The following KCNH1 variants were observed in gnomAD, a reference collection of about 807,000 sequenced individuals.
The protein encoded by KCNH1 is potassium voltage-gated channel subfamily H member 1, also known as voltage-gated delayed rectifier potassium channel KCNH1.
KCNH1 carries 27 observed loss-of-function variants against 69.2 expected under a neutral mutation model. The ratio of observed to expected loss-of-function variants is 0.39; its 90% CI spans 0.29 to 0.54. KCNH1 has a LOEUF of 0.54. Ranked by LOEUF, KCNH1 falls within the 20% of genes least tolerant of loss-of-function variation. The pLI is 0.68. For synonymous variants in KCNH1, 456 were observed against 487.7 expected, an observed-to-expected ratio of 0.93 and a Z score of 0.86; for missense variants, 798 against 1,261.6, an observed-to-expected ratio of 0.63 and a Z score of 5.57.
rs2102466405 is a variant in KCNH1, at chr1:210,850,723, G to A, written c.1463-46557C>T. Among the ~76,000 whole-genome samples, 3 of 152,290 alleles carry A rather than the reference G, an allele frequency of 2.0e-5. No homozygotes were observed. In the South Asian group the frequency reaches 6.2e-4, roughly 32 times the overall value. ...CACAGCAGTCTCAACAGCAAGCCAA[G>A]AGGCAGAACAATGCCACTCTAACAT... On this transcript the variant is annotated intron_variant, in intron 7 of 10. Coordinates refer to ENST00000271751, the MANE Select transcript of KCNH1 (RefSeq NM_172362.3).
chr1:210,844,468 T>G (rs576227677), intron 7 of KCNH1, among the ~76,000 whole-genome samples: 2 of 152,342 alleles, frequency 1.3e-5, no homozygotes, highest in South Asian at 4.1e-4. Flanking sequence ...AACCTGCTCC[T>G]GAATGACTAC....
intron 10 of KCNH1, among the ~76,000 whole-genome samples, chr1:210,767,298 T>C (rs902316162): frequency 1.3e-5 from 2 of 152,168 alleles, no homozygotes; most frequent in Non-Finnish European, 2.9e-5. Context: ...ACTGGGCATT[T>C]GTAAGAGGTG....
intron 4 of KCNH1, among the ~76,000 whole-genome samples, chr1:211,090,175 A>C (rs902938932): frequency 6.6e-6 from 1 of 152,250 alleles, no homozygotes; most frequent in African/African-American, 2.4e-5. Context: ...GAATTCAGTC[A>C]AATCTAAGAA....
intron 7 of KCNH1, among the ~76,000 whole-genome samples, chr1:210,918,075 T>G (rs1195100425): frequency 6.6e-6 from 1 of 152,128 alleles, no homozygotes; most frequent in Non-Finnish European, 1.5e-5. Context: ...TCAGGAAAAC[T>G]CTGCCTGCAG....
intron 5 of KCNH1, among the ~76,000 whole-genome samples, chr1:211,048,148 G>A (rs1275125522): frequency 6.6e-6 from 1 of 152,126 alleles, no homozygotes; most frequent in East Asian, 1.9e-4. Context: ...CCTTACTCCT[G>A]CAAGAATGCC....
At chr1:210,977,409 G>A (rs965542012) in intron 6 of KCNH1, among the ~76,000 whole-genome samples, 73 of 151,786 alleles carry the variant, frequency 4.8e-4, no homozygotes, top group African/African-American at 1.2e-3. Flanking sequence ...AAACCTGCAC[G>A]TTGTGCACTT....
chr1:210,848,395 A>AT (rs762032517), intron 7 of KCNH1, among the ~76,000 whole-genome samples: 2 of 152,148 alleles, frequency 1.3e-5, no homozygotes, highest in Non-Finnish European at 2.9e-5. Flanking sequence ...ATTCAATTTA[A>AT]TTTGCATGTG....
At chr1:210,840,025 G>C (rs1685372573) in intron 7 of KCNH1, among the ~76,000 whole-genome samples, 1 of 152,174 alleles carries the variant, frequency 6.6e-6, no homozygotes, top group South Asian at 2.1e-4. Context: ...GACAGACAGA[G>C]AGAGACAGTC....
chr1:210,932,285 G>A (rs990543246), intron 6 of KCNH1, among the ~76,000 whole-genome samples: 5 of 152,146 alleles, frequency 3.3e-5, no homozygotes, highest in African/African-American at 1.2e-4. Context: ...GCTTAACAGA[G>A]TCCAATATCT....
chr1:210,804,083 G>A lies in KCNH1; in HGVS notation c.1546C>T (p.Leu516Phe), dbSNP rs727502820. 6.2e-7 allele frequency: 1 copy of A among 1,614,124 alleles called. No individual in the cohort carries two copies. The highest frequency in any genetic ancestry group is 1.7e-5 in the Admixed American group (1 of 60,010). ...YANTNRYHEM[L>F]NSVRDFLKLY... ...TTCAGGAAGTCCCGAACACTGTTGA[G>A]CATCTCATGGTATCTGTTGGTGTTG... Residue 516 changes from leucine (L) to phenylalanine (F), a missense_variant, in exon 8 of 11, where the codon CTC becomes TTC. Around this residue, in one of 4 missense-constraint regions of KCNH1, gnomAD observed 197 missense variants for 407.7 expected, o/e 0.48. Transcript: ENST00000271751.
intron 6 of KCNH1, among the ~76,000 whole-genome samples, chr1:210,969,136 T>A (rs963440674): frequency 6.6e-6 from 1 of 152,102 alleles, no homozygotes. Flanking sequence ...TATGACACAT[T>A]ACCTTTTCTG....
At chr1:211,088,808 T>C (rs1691001749) in intron 4 of KCNH1, among the ~76,000 whole-genome samples, 1 of 152,214 alleles carries the variant, frequency 6.6e-6, no homozygotes, top group Non-Finnish European at 1.5e-5. Context: ...TAAATGTGTG[T>C]GTATCTCCTC....
At chr1:210,718,278 A>T (rs1157766676) in intron 10 of KCNH1, among the ~76,000 whole-genome samples, 5 of 111,400 alleles carry the variant, frequency 4.5e-5, no homozygotes, top group Admixed American at 2.0e-4. Flanking sequence ...ATATGTGCAT[A>T]TAAAAATATG....
chr1:211,008,898 G>A (rs1219513440), intron 6 of KCNH1, among the ~76,000 whole-genome samples: 1 of 152,172 alleles, frequency 6.6e-6, no homozygotes, highest in Non-Finnish European at 1.5e-5. Flanking sequence ...ATTATGATTA[G>A]TGCTATGAAA....
intron 5 of KCNH1, among the ~76,000 whole-genome samples, chr1:211,074,689 T>C (rs1036531243): frequency 4.6e-5 from 7 of 152,240 alleles, no homozygotes; most frequent in Non-Finnish European, 1.0e-4. Context: ...ATTATGTAGA[T>C]GTGATTAATA....
chr1:211,083,041 C>T, intron 4 of KCNH1, 143 bp from the exon 5 acceptor site: 1 of 649,262 alleles, frequency 1.5e-6, no homozygotes, highest in South Asian at 2.0e-5. Flanking sequence ...TCCCTGCAAG[C>T]AAGACCCACT....
At chr1:211,037,340 T>C (rs762383175) in intron 5 of KCNH1, among the ~76,000 whole-genome samples, 4 of 152,138 alleles carry the variant, frequency 2.6e-5, no homozygotes, top group Non-Finnish European at 2.9e-5. Flanking sequence ...CACACTGACA[T>C]ACATCATCAC....
chr1:210,744,274 T>C (rs1041689643), intron 10 of KCNH1, among the ~76,000 whole-genome samples: 27 of 152,166 alleles, frequency 1.8e-4, no homozygotes, highest in African/African-American at 5.6e-4. Flanking sequence ...CTCTGCAGCA[T>C]TGTAGAATTT....
At chr1:210,884,458 G>A (rs533327712) in intron 7 of KCNH1, among the ~76,000 whole-genome samples, 1 of 152,182 alleles carries the variant, frequency 6.6e-6, no homozygotes, top group African/African-American at 2.4e-5. Flanking sequence ...TTTTATAGAG[G>A]AAGATCCCAA....
Sources: gnomAD v4.1 joint callset for allele counts (sites outside exome capture counted in the v4.1 genomes callset) on GRCh38, gnomAD v4.1.1 for gene constraint, gnomAD v4.1.1 regional missense constraint, MANE v1.5 for transcripts, NCBI Gene and HGNC (gene_info 2026-07-23, HGNC 2026-07-21) for gene names.